ALKBH2: variants seen among roughly 807,000 people sequenced by gnomAD.
The protein encoded by ALKBH2 is alkB homolog 2, alpha-ketoglutarate dependent dioxygenase.
Under a neutral mutation model 19.7 loss-of-function variants are expected in ALKBH2, and 19 were observed. The ratio of observed to expected loss-of-function variants is 0.97; its 90% CI spans 0.67 to 1.42. The LOEUF (loss-of-function observed/expected upper bound fraction) is 1.42. Ranked by LOEUF, ALKBH2 falls within the 40% of genes most tolerant of loss-of-function variation. The pLI is 0.00. For missense variants in ALKBH2, 310 were observed against 328.5 expected (o/e 0.94, Z 0.43); for synonymous variants, 135 against 131.2 (o/e 1.03, Z -0.20).
chr12:109,090,690 C>A (rs984048825), intron 2 of ALKBH2, among the ~76,000 whole-genome samples: 3 of 152,194 alleles, frequency 2.0e-5, no homozygotes, highest in African/African-American at 7.2e-5. Flanking sequence ...GGCATGCCAC[C>A]ATGCCCGGCT....
intron 2 of ALKBH2, 133 bp from the exon 3 acceptor site, chr12:109,090,340 A>G: frequency 1.4e-6 from 1 of 718,118 alleles, no homozygotes; most frequent in Non-Finnish European, 2.4e-6. Context: ...TTCAAGATTG[A>G]AAGGGAAGTA....
rs998576345 is a variant in ALKBH2 at position 109,092,656 on chromosome 12, T to C, written c.131A>G (p.Glu44Gly). The C allele has an allele frequency of 6.2e-7, 1 of 1,614,144 alleles. No individual in the cohort carries two copies. The highest frequency in any genetic ancestry group is 8.5e-7 in the Non-Finnish European group (1 of 1,180,042). The change falls in exon 2 of 4, where the codon GAG becomes GGG. Residue 44 changes from glutamate to glycine, a missense_variant. Coordinates refer to ENST00000429722, the MANE Select transcript of ALKBH2 (RefSeq NM_001145374.2). ...KESTRKRPRR[E>G]APGNGGHSAG... ...TGAGTGGCCTCCATTCCCTGGGGCC[T>C]CTCTCCTGGGCCTCTTCCTTGTGCT...
chr12:109,089,892 C>G, intron 3 of ALKBH2, 117 bp downstream of exon 3: 2 of 1,092,736 alleles, frequency 1.8e-6, no homozygotes, highest in Non-Finnish European at 2.7e-6. Flanking sequence ...ACTCTTAGAG[C>G]CCCAGTGTAC....
chr12:109,092,962 A>G (rs1349121137), intron 1 of ALKBH2, 25 bp from the exon 2 acceptor site: 7 of 1,415,042 alleles, frequency 4.9e-6, no homozygotes, highest in Non-Finnish European at 5.5e-6. Flanking sequence ...GAAGATGTTA[A>G]AGCCGGAAGG....
chr12:109,090,192 A>G lies in ALKBH2; in HGVS notation c.296T>C (p.Val99Ala), dbSNP rs144722252. 6.3e-5 allele frequency: 102 copies of G among 1,613,332 alleles called. No individual in the cohort carries two copies. The highest frequency in any genetic ancestry group is 8.5e-5 in the Non-Finnish European group (100 of 1,179,968). Reference sequence around the variant, plus strand: ...ACTGTGCCACTTCCCGAATACCTGGACTCTGGCCAGTGCTCCTGTGCAGAG... The same window carrying G: ...ACTGTGCCACTTCCCGAATACCTGGGCTCTGGCCAGTGCTCCTGTGCAGAG... Reference protein sequence around the residue: ...VEYFTGALARVQVFGKWHSVP... With the variant: ...VEYFTGALARAQVFGKWHSVP... The change falls in exon 3 of 4, where the codon GTC becomes GCC. Residue 99 changes from valine (V) to alanine (A), a missense_variant. By Grantham distance (64) the Val-to-Ala change is moderately conservative. Coordinates refer to ENST00000429722, the MANE Select transcript of ALKBH2 (RefSeq NM_001145374.2).
At chr12:109,092,250 A>G (rs1211552678) in intron 2 of ALKBH2, 1 of 421,824 alleles carries the variant, frequency 2.4e-6, no homozygotes, top group African/African-American at 2.0e-5. Flanking sequence ...GAAGATACTC[A>G]TCAGTAGCCA....
At chr12:109,092,467 C>T (rs2042075512) in intron 2 of ALKBH2, 40 bp downstream of exon 2, 2 of 1,396,784 alleles carry the variant, frequency 1.4e-6, no homozygotes, top group East Asian at 2.5e-5. Flanking sequence ...CAAACAAGCC[C>T]TCAATGCACA....
Position 109,088,207 on chromosome 12 carries a change from T to C in ALKBH2, c.785A>G (p.Ter262=). The C allele has an allele frequency of 6.3e-7, 1 of 1,589,916 alleles. No homozygotes were observed. Among genetic ancestry groups the C allele is most frequent in the Non-Finnish European group, 8.6e-7 (1 of 1,167,332 alleles). The part of the protein sequence containing the change: ...TFRKILLTKK[*] Reference sequence around the variant, plus strand: ...AGAGAAAAACTGTTAAAAATGTTTTTATTTTTTAGTAAGCAAAATTTTACG... The same window carrying C: ...AGAGAAAAACTGTTAAAAATGTTTTCATTTTTTAGTAAGCAAAATTTTACG... The change falls in exon 4 of 4, where the codon TAA becomes TGA. Residue 262 remains the stop codon, a stop_retained_variant. Transcript: ENST00000429722. The surrounding 1 kb of genome is among the most constrained non-coding windows in gnomAD (Gnocchi z 4.2).
rs747473672 is a variant in ALKBH2, at chr12:109,088,265, T to C, written c.727A>G (p.Lys243Glu). The change falls in exon 4 of 4, where the codon AAG becomes GAG. Residue 243 changes from lysine (K) to glutamate (E), a missense_variant. Transcript: ENST00000429722. This position sits in a 1 kb window ranked among gnomAD's most constrained non-coding sequence, Gnocchi z 4.2. Reference sequence around the variant, plus strand: ...AGATTCACCCGTGGAGCCAGAACCTTCTTTCTCACGGGAAGACTGTGGTAC... The same window carrying C: ...AGATTCACCCGTGGAGCCAGAACCTCCTTTCTCACGGGAAGACTGTGGTAC... ...HWYHSLPVRKKVLAPRVNLTF... is the reference protein window; with the variant it reads ...HWYHSLPVRKEVLAPRVNLTF... 6.2e-7 allele frequency: 1 copy of C among 1,613,746 alleles called. No individual in the cohort carries two copies. The highest frequency in any genetic ancestry group is 1.1e-5 in the South Asian group (1 of 91,080).
At chr12:109,091,199 C>A (rs2042054829) in intron 2 of ALKBH2, among the ~76,000 whole-genome samples, 1 of 152,106 alleles carries the variant, frequency 6.6e-6, no homozygotes, top group Non-Finnish European at 1.5e-5. Context: ...CAATTAACAG[C>A]CTGGGTAACA....
chr12:109,092,100 C>T (rs560508159), intron 2 of ALKBH2, among the ~76,000 whole-genome samples: 3 of 152,338 alleles, frequency 2.0e-5, no homozygotes, highest in South Asian at 4.1e-4. Flanking sequence ...CAGTGATTCT[C>T]AAACCCTGAC....
chr12:109,091,132 G>A (rs2042053886), intron 2 of ALKBH2, among the ~76,000 whole-genome samples: 1 of 152,162 alleles, frequency 6.6e-6, no homozygotes, highest in South Asian at 2.1e-4. Context: ...GCTGGCTCAT[G>A]CTTGCAATCC....
At position 109,088,826 on chromosome 12, in the gene ALKBH2, C is replaced by CA. The variant is rs2042012282; in HGVS notation, c.480-315dup. On this transcript the variant is annotated intron_variant, in intron 3 of 3. Transcript: ENST00000429722. This position sits in a 1 kb window ranked among gnomAD's most constrained non-coding sequence, Gnocchi z 4.2. Reference sequence around the variant, plus strand: ...GCCTCCTGGGCTCAAGTGATTCTCCCACTTCAGCCTCCCAAGTAGCTGGGA... The same window carrying CA: ...GCCTCCTGGGCTCAAGTGATTCTCCCAACTTCAGCCTCCCAAGTAGCTGGGA... 6.6e-6 allele frequency among the ~76,000 whole-genome samples: 1 copy of CA among 152,194 alleles called. No homozygotes were observed. The highest frequency in any genetic ancestry group is 2.4e-5 in the African/African-American group (1 of 41,436).
chr12:109,093,261 C>T lies in ALKBH2; in HGVS notation c.-166G>A, dbSNP rs1442108663. 6 of 161,646 alleles carry T rather than the reference C, an allele frequency of 3.7e-5. No individual in the cohort carries two copies. Among genetic ancestry groups the T allele is most frequent in the Non-Finnish European group, 6.8e-5 (5 of 73,652 alleles). 10.0% of individuals were successfully genotyped at this position (161,646 alleles called of 1,614,324 possible). On this transcript the variant is annotated 5_prime_UTR_variant, in exon 1 of 4. In the 5' UTR this introduces an upstream ATG that the reference lacks. Coordinates refer to ENST00000429722, the MANE Select transcript of ALKBH2 (RefSeq NM_001145374.2). ...CCATAACTGACCTCGCTGCCCCCCA[C>T]CAGTGTTAAAATAGATCAGTCTAGT...
Position 109,088,341 on chromosome 12 carries a change from C to G in ALKBH2, c.651G>C (p.Pro217=). ...PSRRVAVVRL[P]LAHGSLLMMN... ...TCATTAGTAAGCTCCCGTGGGCCAG[C>G]GGCAGCCTGACCACCGCCACCCTCC... Residue 217 remains proline, a synonymous_variant, in exon 4 of 4, where the codon CCG becomes CCC. Transcript: ENST00000429722. This position sits in a 1 kb window ranked among gnomAD's most constrained non-coding sequence, Gnocchi z 4.2. 1 of 1,614,034 alleles carries G rather than the reference C, an allele frequency of 6.2e-7. No homozygotes were observed. Among genetic ancestry groups the G allele is most frequent in the Non-Finnish European group, 8.5e-7 (1 of 1,179,994 alleles).
chr12:109,090,317 T>C lies in ALKBH2; in HGVS notation c.281-110A>G. On this transcript the variant is annotated intron_variant, in intron 2 of 3. Transcript: ENST00000429722. Reference sequence around the variant, plus strand: ...CCAGAAATCCAGTGCCCCACATACATGCTCCCTGGGTATTCAAGATTGAAA... The same window carrying C: ...CCAGAAATCCAGTGCCCCACATACACGCTCCCTGGGTATTCAAGATTGAAA... 5.9e-6 allele frequency: 5 copies of C among 852,534 alleles called. No homozygotes were observed. In the South Asian group the frequency reaches 7.3e-5, roughly 12 times the overall value. 52.8% of individuals were successfully genotyped at this position (852,534 alleles called of 1,614,324 possible).
In ALKBH2 at chr12:109,090,004, G is replaced by A. The variant is rs1224800712; in HGVS notation, c.479+5C>T. 3 of 1,613,590 alleles carry A rather than the reference G, an allele frequency of 1.9e-6. No individual in the cohort carries two copies. The highest frequency in any genetic ancestry group is 2.2e-5 in the East Asian group (1 of 44,872). On this transcript the variant is annotated splice_donor_5th_base_variant and intron_variant, in intron 3 of 3. Coordinates refer to ENST00000429722, the MANE Select transcript of ALKBH2 (RefSeq NM_001145374.2). ...TAACATTGAGTCCACTAAACAGGGTGTCACCTGTTGATGAGCACAAAGTTG... is the reference window on the plus strand; with the variant it reads ...TAACATTGAGTCCACTAAACAGGGTATCACCTGTTGATGAGCACAAAGTTG...
chr12:109,092,120 G>A (rs1414413060), intron 2 of ALKBH2: 1 of 163,792 alleles, frequency 6.1e-6, no homozygotes, highest in Non-Finnish European at 1.3e-5. Context: ...CTGCCCATGA[G>A]AATCACCTGG....
intron 2 of ALKBH2, among the ~76,000 whole-genome samples, chr12:109,091,213 T>TGA (rs1259313055): frequency 1.3e-5 from 2 of 152,106 alleles, no homozygotes; most frequent in African/African-American, 4.8e-5. Context: ...GGTAACACAG[T>TGA]GAGACCTACA....
Sources: gnomAD v4.1 joint callset for allele counts (sites outside exome capture counted in the v4.1 genomes callset) on GRCh38, gnomAD v4.1.1 for gene constraint, Gnocchi (gnomAD v3.1) non-coding constraint, MANE v1.5 for transcripts, NCBI Gene and HGNC (gene_info 2026-07-23, HGNC 2026-07-21) for gene names.